CFAP45: variants seen among roughly 807,000 people sequenced by gnomAD.
CFAP45 encodes cilia- and flagella-associated protein 45.
Under a neutral mutation model 75.6 loss-of-function variants are expected in CFAP45, and 43 were observed. That is an observed-to-expected ratio of 0.57 (90% CI 0.45 to 0.73). The LOEUF (loss-of-function observed/expected upper bound fraction) is 0.73. CFAP45 is among the 30% of genes least tolerant of loss of function. The probability of loss-of-function intolerance (pLI) is 0.00; values close to 1 mark genes in which losing one functional copy is unlikely to be tolerated. For missense variants in CFAP45, 689 were observed against 701.5 expected (o/e 0.98, Z 0.20); for synonymous variants, 223 against 244.6 (o/e 0.91, Z 0.82).
chr1:159,883,886 CTT>C (rs921223602), intron 7 of CFAP45, among the ~76,000 whole-genome samples: 13 of 152,110 alleles, frequency 8.5e-5, no homozygotes, highest in Admixed American at 8.5e-4. Context: ...CAGAAGATGA[CTT>C]TTTAAGTCTT....
chr1:159,875,161 G>A lies in CFAP45; in HGVS notation c.1352+1395C>T, dbSNP rs74934523. ...GCTAGTGCATATGCTTCAGGCAAAT[G>A]ATGCAAAGGAAAGATAAATGGGTCG... On this transcript the variant is annotated intron_variant, in intron 10 of 11. Transcript: ENST00000368099. 2.2e-3 allele frequency among the ~76,000 whole-genome samples: 339 copies of A among 152,360 alleles called. 4 individuals carry two copies. In the East Asian group the frequency reaches 0.034, roughly 15 times the overall value.
rs1341203690 is a variant in CFAP45, at chr1:159,872,585, G to C, written c.1578-22C>G. 3.1e-6 allele frequency: 5 copies of C among 1,606,850 alleles called. No homozygotes were observed. The African/African-American group carries it at 5.3e-5, about 17-fold the overall frequency. Reference sequence around the variant, plus strand: ...GGCTCTGCCGGGGAAACGCAGGCAGGTATAAGGAAAGGTATTGGACCAGAC... The same window carrying C: ...GGCTCTGCCGGGGAAACGCAGGCAGCTATAAGGAAAGGTATTGGACCAGAC... On this transcript the variant is annotated intron_variant, in intron 11 of 11. Transcript: ENST00000368099.
At chr1:159,881,554 A>G (rs1649550474) in intron 7 of CFAP45, among the ~76,000 whole-genome samples, 1 of 152,232 alleles carries the variant, frequency 6.6e-6, no homozygotes, top group Admixed American at 6.5e-5. Flanking sequence ...ATGTAGCCCA[A>G]TGCAAGGAAA....
intron 1 of CFAP45, among the ~76,000 whole-genome samples, chr1:159,893,510 T>C (rs1571189664): frequency 1.3e-5 from 2 of 151,864 alleles, no homozygotes; most frequent in African/African-American, 4.8e-5. Flanking sequence ...GAAGGGTCTC[T>C]GCAAAAAAAA....
intron 1 of CFAP45, among the ~76,000 whole-genome samples, chr1:159,893,555 T>C (rs1649878636): frequency 6.6e-6 from 1 of 152,156 alleles, no homozygotes; most frequent in South Asian, 2.1e-4. Flanking sequence ...TGTAAAACAG[T>C]TGATCTCATA....
intron 1 of CFAP45, among the ~76,000 whole-genome samples, chr1:159,898,651 A>T (rs1283108174): frequency 6.6e-6 from 1 of 152,210 alleles, no homozygotes; most frequent in Non-Finnish European, 1.5e-5. Flanking sequence ...GCCCAGGTGC[A>T]ACTTATGCCC....
chr1:159,900,143 G>C lies in CFAP45; in HGVS notation c.-45C>G, dbSNP rs200180448. 92 of 1,613,784 alleles carry C rather than the reference G, an allele frequency of 5.7e-5. 1 individual carries two copies. In the East Asian group the frequency reaches 1.9e-3, roughly 33 times the overall value. ...GACTCCGGACTTCTGCTGCCGCCTC[G>C]GCGCCGCCAAGGCCCTAGTGTTGAC... On this transcript the variant is annotated 5_prime_UTR_variant, in exon 1 of 12. Transcript: ENST00000368099.
rs753291903 is a variant in CFAP45 at position 159,893,319 on chromosome 1, C to T, written c.4-14G>A. On this transcript the variant is annotated splice_polypyrimidine_tract_variant and intron_variant, in intron 1 of 11. Transcript: ENST00000368099. ...TGTGCTTAGTGGCTGCAGGAAGAGG[C>T]AGAAAGTTTGGGTCATCAGTACTGA... 24 of 1,611,778 alleles carry T rather than the reference C, an allele frequency of 1.5e-5. No homozygotes were observed. The South Asian group carries it at 2.4e-4, about 16-fold the overall frequency.
In CFAP45 at chr1:159,880,628, T is replaced by G. The variant is rs1442489425; in HGVS notation, c.970A>C (p.Lys324Gln). 1 of 1,614,006 alleles carries G rather than the reference T, an allele frequency of 6.2e-7. No homozygotes were observed. The highest frequency in any genetic ancestry group is 8.5e-7 in the Non-Finnish European group (1 of 1,179,950). The change falls in exon 8 of 12, where the codon AAA becomes CAA. Residue 324 changes from lysine to glutamine, a missense_variant. Physicochemically the swap from Lys to Gln is moderately conservative, Grantham distance 53 (BLOSUM62 1). Coordinates refer to ENST00000368099, the MANE Select transcript of CFAP45 (RefSeq NM_012337.3). The part of the protein sequence containing the change: ...EIKRINDENQ[K>Q]QKAELLAQEK... Reference sequence around the variant, plus strand: ...TGAGCCAGCAGTTCTGCTTTCTGTTTCTGGTTTTCATCATTGATGCGCTTA... The same window carrying G: ...TGAGCCAGCAGTTCTGCTTTCTGTTGCTGGTTTTCATCATTGATGCGCTTA...
chr1:159,894,034 C>A (rs1453292161), intron 1 of CFAP45, among the ~76,000 whole-genome samples: 1 of 152,046 alleles, frequency 6.6e-6, no homozygotes, highest in Non-Finnish European at 1.5e-5. Flanking sequence ...GCTAACTACC[C>A]TGATTCAATC....
chr1:159,886,441 G>A, intron 6 of CFAP45, 70 bp downstream of exon 6: 1 of 1,313,176 alleles, frequency 7.6e-7, no homozygotes, highest in East Asian at 2.3e-5. Context: ...TTCCCTCTTT[G>A]CTAGGCTACA....
At position 159,893,038 on chromosome 1, in the gene CFAP45, C is replaced by A. The variant is rs1332564374; in HGVS notation, c.129+142G>T. On this transcript the variant is annotated intron_variant, in intron 2 of 11. Transcript: ENST00000368099. ...CACTAGATCCCAAAGCTCTGCAGCT[C>A]AGGTCTCAGAATTCCCCTTTGTCTT... 4.6e-6 allele frequency: 4 copies of A among 861,920 alleles called. No homozygotes were observed. In the East Asian group the frequency reaches 1.1e-4, roughly 23 times the overall value. 53.4% of individuals were successfully genotyped at this position (861,920 alleles called of 1,614,324 possible).
intron 4 of CFAP45, 44 bp from the exon 5 acceptor site, chr1:159,888,055 C>T (rs1490958004): frequency 1.3e-6 from 2 of 1,592,342 alleles, no homozygotes; most frequent in East Asian, 2.2e-5. Context: ...ATTTCATGCG[C>T]TCTGTGCCCT....
At chr1:159,899,942 G>A (rs1196132512) in intron 1 of CFAP45, 154 bp downstream of exon 1, 1 of 701,848 alleles carries the variant, frequency 1.4e-6, no homozygotes, top group South Asian at 1.9e-5. Context: ...ACCCACCTCA[G>A]GATCTCCCTT....
intron 8 of CFAP45, among the ~76,000 whole-genome samples, chr1:159,879,886 G>C (rs1335214674): frequency 6.6e-6 from 1 of 152,178 alleles, no homozygotes; most frequent in East Asian, 1.9e-4. Context: ...GCCACCTTGA[G>C]TACTTCCTCC....
chr1:159,872,607 A>C (rs564825407), intron 11 of CFAP45, 44 bp from the exon 12 acceptor site: 1 of 1,549,206 alleles, frequency 6.5e-7, no homozygotes, highest in Admixed American at 1.7e-5. Flanking sequence ...GTATTGGACC[A>C]GACAGGAGGT....
chr1:159,873,336 G>A, intron 10 of CFAP45, 168 bp from the exon 11 acceptor site: 1 of 619,264 alleles, frequency 1.6e-6, no homozygotes, highest in Non-Finnish European at 2.8e-6. Context: ...CCCAAAAGCT[G>A]CTGCACATGC....
At chr1:159,899,956 T>G (rs1571193297) in intron 1 of CFAP45, 140 bp downstream of exon 1, 2 of 788,638 alleles carry the variant, frequency 2.5e-6, no homozygotes, top group Non-Finnish European at 4.1e-6. Context: ...CTCCCTTGCT[T>G]CTTCTAGAGG....
chr1:159,889,735 G>A lies in CFAP45; in HGVS notation c.272+745C>T, dbSNP rs375024808. On this transcript the variant is annotated intron_variant, in intron 3 of 11. Coordinates refer to ENST00000368099, the MANE Select transcript of CFAP45 (RefSeq NM_012337.3). ...GACCAGACATGCTCAGTAAGGGGCC[G>A]CAGTCCGACACAGCTCCCGGGGTGT... 9.2e-5 allele frequency among the ~76,000 whole-genome samples: 14 copies of A among 152,306 alleles called. No individual in the cohort carries two copies. The East Asian group carries it at 1.3e-3, about 15-fold the overall frequency.
Sources: gnomAD v4.1 joint callset for allele counts (sites outside exome capture counted in the v4.1 genomes callset) on GRCh38, gnomAD v4.1.1 for gene constraint, MANE v1.5 for transcripts, NCBI Gene and HGNC (gene_info 2026-07-23, HGNC 2026-07-21) for gene names.